The following MAN1A2 variants were observed in gnomAD, a reference collection of about 807,000 sequenced individuals.
The protein encoded by MAN1A2 is mannosyl-oligosaccharide 1,2-alpha-mannosidase IB.
MAN1A2 carries 26 observed loss-of-function variants against 75.7 expected under a neutral mutation model. The observed-to-expected ratio is 0.34, with a 90% confidence interval of 0.25 to 0.48. MAN1A2 has a LOEUF of 0.48. Among genes scored for constraint, MAN1A2 ranks in the 20% least tolerant of loss-of-function variants. The pLI is 0.99. For synonymous variants in MAN1A2, 247 were observed against 264.6 expected, an observed-to-expected ratio of 0.93 and a Z score of 0.65; for missense variants, 562 against 775.5, an observed-to-expected ratio of 0.72 and a Z score of 3.27.
chr1:117,481,362 G>C (rs1037862980), intron 8 of MAN1A2, among the ~76,000 whole-genome samples: 19 of 151,030 alleles, frequency 1.3e-4, no homozygotes, highest in Admixed American at 1.3e-3. Context: ...TTTGCCTTCT[G>C]TTCACTTCTC....
chr1:117,376,134 T>C (rs1287121166), intron 1 of MAN1A2, among the ~76,000 whole-genome samples: 1 of 152,164 alleles, frequency 6.6e-6, no homozygotes, highest in African/African-American at 2.4e-5. Flanking sequence ...ATGGTCTCGA[T>C]CTCCTGACCT....
chr1:117,486,920 A>G (rs1236766441), intron 8 of MAN1A2, among the ~76,000 whole-genome samples: 3 of 152,182 alleles, frequency 2.0e-5, no homozygotes, highest in Non-Finnish European at 4.4e-5. Flanking sequence ...GACTATACCT[A>G]AATTTAATCA....
chr1:117,386,946 G>A (rs1011408831), intron 1 of MAN1A2, among the ~76,000 whole-genome samples: 30 of 151,876 alleles, frequency 2.0e-4, no homozygotes, highest in African/African-American at 7.3e-4. Context: ...CTGTGAAAAG[G>A]TGCCCGGTAG....
intron 5 of MAN1A2, among the ~76,000 whole-genome samples, chr1:117,441,174 G>A (rs1389072280): frequency 6.6e-6 from 1 of 152,062 alleles, no homozygotes; most frequent in East Asian, 1.9e-4. Context: ...GTGCATGAAG[G>A]AGAGAGTAAT....
At chr1:117,517,410 T>C (rs1306520239) in intron 12 of MAN1A2, among the ~76,000 whole-genome samples, 1 of 152,154 alleles carries the variant, frequency 6.6e-6, no homozygotes, top group Admixed American at 6.6e-5. Context: ...GATAACTATG[T>C]TCCCTCTATT....
chr1:117,510,149 G>C (rs1651489148), intron 12 of MAN1A2, among the ~76,000 whole-genome samples: 1 of 151,906 alleles, frequency 6.6e-6, no homozygotes, highest in African/African-American at 2.4e-5. Context: ...CTTATAAACA[G>C]TGCTTCAGTG....
chr1:117,466,468 T>C (rs371269113), intron 8 of MAN1A2, 41 bp downstream of exon 8: 184 of 1,330,732 alleles, frequency 1.4e-4, no homozygotes, highest in Non-Finnish European at 1.9e-4. Flanking sequence ...TAAAAAATTA[T>C]TTGTCTGAAA....
chr1:117,428,126 T>G (rs10801959), intron 5 of MAN1A2, among the ~76,000 whole-genome samples: 37,303 of 149,730 alleles, frequency 0.25, 4,912 homozygotes, highest in Middle Eastern at 0.37. Flanking sequence ...TTTTTTTTTT[T>G]GGGGGGGGAC....
intron 7 of MAN1A2, 131 bp from the exon 8 acceptor site, chr1:117,466,203 C>A: frequency 1.8e-6 from 1 of 554,478 alleles, no homozygotes; most frequent in Non-Finnish European, 3.2e-6. Context: ...TCCCCCTGCC[C>A]CTCCAACACA....
At chr1:117,516,426 C>G (rs1264202852) in intron 12 of MAN1A2, among the ~76,000 whole-genome samples, 9 of 152,058 alleles carry the variant, frequency 5.9e-5, no homozygotes. Context: ...CTTGCTGGAC[C>G]ATCTAATGTT....
Position 117,512,701 on chromosome 1 carries a change from G to T in MAN1A2, c.1793+9731G>T, listed in dbSNP as rs149210986. On this transcript the variant is annotated intron_variant, in intron 12 of 12. Coordinates refer to ENST00000356554, the MANE Select transcript of MAN1A2 (RefSeq NM_006699.5). ...AGAACCGTGGTCTTTACATTTTTAA[G>T]TGCTTCCTATGTCCTAATACAATGC... Among the ~76,000 whole-genome samples the T allele has an allele frequency of 7.3e-4, 109 of 150,082 alleles. 1 individual carries two copies. Among genetic ancestry groups the T allele is most frequent in the African/African-American group, 2.6e-3 (108 of 40,776 alleles).
intron 1 of MAN1A2, among the ~76,000 whole-genome samples, chr1:117,401,671 A>G (rs1410346305): frequency 6.6e-6 from 1 of 152,228 alleles, no homozygotes; most frequent in Non-Finnish European, 1.5e-5. Context: ...AGAGTTCAAG[A>G]GAGTTTTAAG....
chr1:117,484,668 C>A (rs1284009285), intron 8 of MAN1A2, among the ~76,000 whole-genome samples: 1 of 151,914 alleles, frequency 6.6e-6, no homozygotes, highest in Non-Finnish European at 1.5e-5. Context: ...GTATGTACTG[C>A]AATAAATCTT....
intron 6 of MAN1A2, 83 bp from the exon 7 acceptor site, chr1:117,460,406 A>G: frequency 1.1e-6 from 1 of 876,668 alleles, no homozygotes; most frequent in South Asian, 1.9e-5. Flanking sequence ...TAAGAGATCT[A>G]TTTAAAATTT....
intron 1 of MAN1A2, among the ~76,000 whole-genome samples, chr1:117,392,886 A>G (rs1470419417): frequency 1.3e-5 from 2 of 152,244 alleles, no homozygotes; most frequent in Admixed American, 1.3e-4. Context: ...TGGATTTGGT[A>G]TAAAAGCTTG....
chr1:117,429,185 G>T (rs1483328829), intron 5 of MAN1A2, among the ~76,000 whole-genome samples: 1 of 147,238 alleles, frequency 6.8e-6, no homozygotes, highest in Admixed American at 6.7e-5. Context: ...AAAATGAAAA[G>T]TCTCTCATGT....
In MAN1A2 at chr1:117,466,411, A is replaced by G. The variant is rs749191816; in HGVS notation, c.1152A>G (p.Thr384=). The G allele has an allele frequency of 6.2e-7, 1 of 1,606,972 alleles. No homozygotes were observed. The highest frequency in any genetic ancestry group is 8.5e-7 in the Non-Finnish European group (1 of 1,175,502). ...GLYPNYLNPR[T]GRWGQYHTSV... is the part of the protein sequence containing the mutation. ...ATCCAAATTATTTGAACCCCAGAACAGGGCGCTGGGGTCAGTGTAAGTATT... is the reference window on the plus strand; with the variant it reads ...ATCCAAATTATTTGAACCCCAGAACGGGGCGCTGGGGTCAGTGTAAGTATT... The change falls in exon 8 of 13, where the codon ACA becomes ACG. Residue 384 remains threonine, a synonymous_variant. Coordinates refer to ENST00000356554, the MANE Select transcript of MAN1A2 (RefSeq NM_006699.5).
chr1:117,504,412 T>A (rs1651288925), intron 12 of MAN1A2, among the ~76,000 whole-genome samples: 1 of 151,214 alleles, frequency 6.6e-6, no homozygotes, highest in Non-Finnish European at 1.5e-5. Flanking sequence ...TCTCTTTCTT[T>A]CTGTGTACAC....
At position 117,499,564 on chromosome 1, in the gene MAN1A2, C is replaced by A. The variant is rs752119078; in HGVS notation, c.1677+10C>A. ...CTGGGAAGCAGCACTGGTAAATAAG[C>A]CAATATTCCATTTTATCTGCAAGAG... On this transcript the variant is annotated intron_variant, in intron 11 of 12. Coordinates refer to ENST00000356554, the MANE Select transcript of MAN1A2 (RefSeq NM_006699.5). The A allele has an allele frequency of 5.0e-6, 8 of 1,584,262 alleles. No homozygotes were observed. In the East Asian group the frequency reaches 1.9e-4, roughly 37 times the overall value.
Sources: gnomAD v4.1 joint callset for allele counts (sites outside exome capture counted in the v4.1 genomes callset) on GRCh38, gnomAD v4.1.1 for gene constraint, MANE v1.5 for transcripts, NCBI Gene and HGNC (gene_info 2026-07-23, HGNC 2026-07-21) for gene names.